EPHA3: variants seen among roughly 807,000 people sequenced by gnomAD.
EPHA3 encodes the protein EPH receptor A3.
EPHA3 carries 42 observed loss-of-function variants against 107.1 expected under a neutral mutation model. The ratio of observed to expected loss-of-function variants is 0.39; its 90% CI spans 0.31 to 0.51. The LOEUF (loss-of-function observed/expected upper bound fraction) is 0.51. Among genes scored for constraint, EPHA3 ranks in the 20% least tolerant of loss-of-function variants. EPHA3 has a pLI of 0.78. For missense variants in EPHA3, 1,183 were observed against 1,211.2 expected, an observed-to-expected ratio of 0.98 and a Z score of 0.35; for synonymous variants, 461 against 424.8, an observed-to-expected ratio of 1.09 and a Z score of -1.05.
intron 2 of EPHA3, among the ~76,000 whole-genome samples, chr3:89,185,167 G>C (rs1279661094): frequency 6.6e-6 from 1 of 151,944 alleles, no homozygotes; most frequent in Non-Finnish European, 1.5e-5. Context: ...CAAAGTCAAA[G>C]CAGCATCAGT....
At chr3:89,154,580 T>G (rs1406970148) in intron 2 of EPHA3, among the ~76,000 whole-genome samples, 2 of 151,710 alleles carry the variant, frequency 1.3e-5, no homozygotes, top group Non-Finnish European at 2.9e-5. Context: ...ATATTTTAAA[T>G]TGTTTGATTG....
At chr3:89,407,919 T>A in intron 8 of EPHA3, 148 bp from the exon 9 acceptor site, 1 of 803,308 alleles carries the variant, frequency 1.2e-6, no homozygotes. Flanking sequence ...TTCAGAGGAT[T>A]TTGAAAATAT....
chr3:89,369,714 C>G (rs1004686655), intron 5 of EPHA3, among the ~76,000 whole-genome samples: 2 of 146,734 alleles, frequency 1.4e-5, no homozygotes, highest in African/African-American at 5.0e-5. Flanking sequence ...TCAGAGTGAA[C>G]AGGCAACCTA....
intron 3 of EPHA3, among the ~76,000 whole-genome samples, chr3:89,250,844 C>G (rs990910555): frequency 1.4e-4 from 22 of 152,278 alleles, no homozygotes; most frequent in African/African-American, 5.3e-4. Flanking sequence ...ATCACTGTAA[C>G]TAGGTAAAAT....
chr3:89,366,524 A>G (rs1344800785), intron 5 of EPHA3, among the ~76,000 whole-genome samples: 1 of 150,924 alleles, frequency 6.6e-6, no homozygotes. Context: ...GATTCTTGAG[A>G]AAGATCTTAA....
chr3:89,210,564 A>G (rs1706252921), intron 3 of EPHA3, 44 bp downstream of exon 3: 1 of 1,509,290 alleles, frequency 6.6e-7, no homozygotes, highest in Admixed American at 2.4e-5. Context: ...TTTCTCACCT[A>G]TGAGTTTATC....
intron 3 of EPHA3, among the ~76,000 whole-genome samples, chr3:89,234,431 T>C (rs1576252338): frequency 6.6e-6 from 1 of 152,336 alleles, no homozygotes; most frequent in Admixed American, 6.5e-5. Flanking sequence ...CCACAATTAA[T>C]CTATGTGAAT....
intron 3 of EPHA3, among the ~76,000 whole-genome samples, chr3:89,335,258 G>C (rs1261837765): frequency 2.0e-5 from 3 of 152,084 alleles, no homozygotes; most frequent in Non-Finnish European, 4.4e-5. Flanking sequence ...TTATTTCCGG[G>C]TTCATAGGTG....
At chr3:89,424,738 A>G (rs1709423179) in intron 11 of EPHA3, among the ~76,000 whole-genome samples, 1 of 151,516 alleles carries the variant, frequency 6.6e-6, no homozygotes, top group African/African-American at 2.4e-5. Context: ...AGTATTATAT[A>G]CATTCATTCC....
intron 3 of EPHA3, among the ~76,000 whole-genome samples, chr3:89,326,490 G>C (rs1707168648): frequency 6.6e-6 from 1 of 151,962 alleles, no homozygotes; most frequent in Admixed American, 6.6e-5. Context: ...CCTGGTCTCA[G>C]GTGGTCCTCC....
At chr3:89,415,493 A>ATATATAT (rs1559687639) in intron 10 of EPHA3, among the ~76,000 whole-genome samples, 150 of 93,416 alleles carry the variant, frequency 1.6e-3, no homozygotes, top group African/African-American at 6.6e-3. Flanking sequence ...TATATATATA[A>ATATATAT]GCTAATTCTC....
At chr3:89,354,127 C>G (rs954318836) in intron 5 of EPHA3, among the ~76,000 whole-genome samples, 2 of 151,170 alleles carry the variant, frequency 1.3e-5, no homozygotes, top group Non-Finnish European at 3.0e-5. Flanking sequence ...GTTTTCTCAT[C>G]CTTATTTTCC....
chr3:89,441,065 A>T (rs1709773169), intron 13 of EPHA3, among the ~76,000 whole-genome samples: 1 of 152,172 alleles, frequency 6.6e-6, no homozygotes, highest in Admixed American at 6.6e-5. Context: ...CCTGTTTTTG[A>T]ATGACAAGAC....
At chr3:89,197,947 G>A (rs564899228) in intron 2 of EPHA3, among the ~76,000 whole-genome samples, 1 of 152,134 alleles carries the variant, frequency 6.6e-6, no homozygotes, top group South Asian at 2.1e-4. Flanking sequence ...CTGTACTCCA[G>A]CCTGGGTGAC....
chr3:89,237,741 G>A (rs1489254321), intron 3 of EPHA3, among the ~76,000 whole-genome samples: 2 of 151,982 alleles, frequency 1.3e-5, no homozygotes, highest in African/African-American at 4.8e-5. Context: ...CAAGGCAGGA[G>A]GATTGCTTGA....
intron 15 of EPHA3, among the ~76,000 whole-genome samples, chr3:89,461,254 C>T (rs1710234557): frequency 9.1e-6 from 1 of 110,404 alleles, no homozygotes; most frequent in South Asian, 2.9e-4. Flanking sequence ...GGTTCCAAGT[C>T]TTTGCTATTG....
chr3:89,226,482 G>A (rs1435914484), intron 3 of EPHA3, among the ~76,000 whole-genome samples: 4 of 152,038 alleles, frequency 2.6e-5, no homozygotes, highest in Admixed American at 6.6e-5. Context: ...TATACATCAA[G>A]TAAAATACCA....
At chr3:89,215,914 TC>T (rs1704211782) in intron 3 of EPHA3, among the ~76,000 whole-genome samples, 1 of 151,986 alleles carries the variant, frequency 6.6e-6, no homozygotes, top group African/African-American at 2.4e-5. Flanking sequence ...AAAGTATACT[TC>T]TAAAGCTCTA....
chr3:89,449,879 C>A (rs1291153806), intron 14 of EPHA3, among the ~76,000 whole-genome samples: 3 of 152,092 alleles, frequency 2.0e-5, no homozygotes, highest in Non-Finnish European at 2.9e-5. Context: ...ATAATAATTT[C>A]TTTATAACAC....
Sources: allele counts gnomAD v4.1 joint callset (sites outside exome capture counted in the v4.1 genomes callset), GRCh38; gene constraint gnomAD v4.1.1; transcripts MANE v1.5; gene names NCBI Gene and HGNC (gene_info 2026-07-23, HGNC 2026-07-21).